The following ICA1 variants were observed in gnomAD, a reference collection of about 807,000 sequenced individuals.
ICA1 encodes the protein islet cell autoantigen 1.
A neutral mutation model predicts 71.0 loss-of-function variants in ICA1; 40 were observed. The observed-to-expected ratio is 0.56, with a 90% CI of 0.44 to 0.73. The LOEUF is 0.73. Ranked by LOEUF, ICA1 falls within the 30% of genes least tolerant of loss-of-function variation. The pLI is 0.00. For missense variants in ICA1, 578 were observed against 576.5 expected (o/e 1.00, Z -0.03); for synonymous variants, 207 against 209.5 (o/e 0.99, Z 0.10).
At position 8,145,442 on chromosome 7, in the gene ICA1, T is replaced by C. The variant is rs184404660; in HGVS notation, c.805-1470A>G. 4.8e-3 allele frequency among the ~76,000 whole-genome samples: 736 copies of C among 152,244 alleles called. 2 individuals carry two copies. Among genetic ancestry groups the C allele is most frequent in the Middle Eastern group, 0.02 (6 of 294 alleles). On this transcript the variant is annotated intron_variant, in intron 8 of 13. Transcript: ENST00000402384. Reference sequence around the variant, plus strand: ...TATTTGTTTATCCTCATTAATCCTATGAGTGTTTTCAAAGTCCAGATCAAT... The same window carrying C: ...TATTTGTTTATCCTCATTAATCCTACGAGTGTTTTCAAAGTCCAGATCAAT...
intron 8 of ICA1, among the ~76,000 whole-genome samples, chr7:8,147,226 C>T (rs1427403583): frequency 1.3e-5 from 2 of 152,088 alleles, no homozygotes; most frequent in East Asian, 3.9e-4. Flanking sequence ...CCCCTCATAA[C>T]CACACTTGAG....
chr7:8,155,741 T>A (rs1218601732), intron 8 of ICA1, among the ~76,000 whole-genome samples: 1 of 152,166 alleles, frequency 6.6e-6, no homozygotes, highest in Admixed American at 6.5e-5. Context: ...CAGGCCTGTA[T>A]AAGAATTGTG....
At chr7:8,212,005 A>G (rs932746369) in intron 6 of ICA1, among the ~76,000 whole-genome samples, 1 of 152,222 alleles carries the variant, frequency 6.6e-6, no homozygotes, top group African/African-American at 2.4e-5. Flanking sequence ...AAGTATTCAT[A>G]TATAAATAAG....
chr7:8,158,865 T>G (rs1419077756), intron 6 of ICA1, among the ~76,000 whole-genome samples: 1 of 152,248 alleles, frequency 6.6e-6, no homozygotes, highest in Non-Finnish European at 1.5e-5. Context: ...AGCACACTTG[T>G]CATCCTAATT....
intron 5 of ICA1, 84 bp downstream of exon 5, chr7:8,221,191 A>C: frequency 6.4e-7 from 1 of 1,553,884 alleles, no homozygotes; most frequent in Non-Finnish European, 8.8e-7. Context: ...TCTAAAGAAC[A>C]CTGTGAGATT....
intron 8 of ICA1, among the ~76,000 whole-genome samples, chr7:8,151,582 T>A (rs1160943963): frequency 2.0e-5 from 3 of 152,202 alleles, no homozygotes; most frequent in Admixed American, 2.0e-4. Context: ...AATTGTCTTG[T>A]TGGGACTGGT....
chr7:8,127,113 T>TGGGA (rs2128059922), intron 13 of ICA1, among the ~76,000 whole-genome samples: 1 of 152,090 alleles, frequency 6.6e-6, no homozygotes, highest in Non-Finnish European at 1.5e-5. Context: ...AACTAGGATT[T>TGGGA]GGGATTACAG....
chr7:8,220,170 C>T (rs1219246735), intron 5 of ICA1, among the ~76,000 whole-genome samples: 5 of 152,006 alleles, frequency 3.3e-5, no homozygotes, highest in Non-Finnish European at 7.4e-5. Context: ...TAAACAAATA[C>T]CTTTCTTGGG....
chr7:8,200,611 G>A (rs865871920), intron 6 of ICA1, among the ~76,000 whole-genome samples: 2 of 152,160 alleles, frequency 1.3e-5, no homozygotes, highest in Admixed American at 6.5e-5. Context: ...AGATGAGACC[G>A]ATGAGGTCTC....
At position 8,138,885 on chromosome 7, in the gene ICA1, T is replaced by C. The variant is rs377072289; in HGVS notation, c.1019-4A>G. ...TCTAATAGTTCATCTATGGGTCCTT[T>C]AGAGAAGAGGAAAGAAAACAAAATT... On this transcript the variant is annotated splice_region_variant and splice_polypyrimidine_tract_variant and intron_variant, in intron 11 of 13. Transcript: ENST00000402384. 8.7e-6 allele frequency: 14 copies of C among 1,606,412 alleles called. No homozygotes were observed. Among genetic ancestry groups the C allele is most frequent in the Non-Finnish European group, 1.0e-5 (12 of 1,173,348 alleles).
chr7:8,251,076 T>A (rs1358045597), intron 1 of ICA1, among the ~76,000 whole-genome samples: 2 of 152,052 alleles, frequency 1.3e-5, no homozygotes, highest in South Asian at 4.1e-4. Flanking sequence ...AATTTTTTTA[T>A]TTTTAGTAAA....
In ICA1 at chr7:8,152,010, T is replaced by C. The variant is rs533416111; in HGVS notation, c.804+5106A>G. ...AGTTGTAAAGCCAAATTGCATTTTT[T>C]AGAATTAGCCCTGTTGCAGAGATGG... On this transcript the variant is annotated intron_variant, in intron 8 of 13. Coordinates refer to ENST00000402384, the MANE Select transcript of ICA1 (RefSeq NM_001136020.3). 2.0e-5 allele frequency among the ~76,000 whole-genome samples: 3 copies of C among 152,324 alleles called. No homozygotes were observed. In the South Asian group the frequency reaches 6.2e-4, roughly 32 times the overall value.
intron 6 of ICA1, among the ~76,000 whole-genome samples, chr7:8,164,700 C>A (rs1158626890): frequency 6.6e-6 from 1 of 152,212 alleles, no homozygotes; most frequent in Non-Finnish European, 1.5e-5. Context: ...TTTAAGATCA[C>A]TGAATATATC....
At chr7:8,237,206 C>G (rs969602828) in intron 1 of ICA1, among the ~76,000 whole-genome samples, 4 of 152,140 alleles carry the variant, frequency 2.6e-5, no homozygotes, top group African/African-American at 9.7e-5. Context: ...GAATGACATT[C>G]AGGGTAAGTA....
intron 13 of ICA1, among the ~76,000 whole-genome samples, chr7:8,117,398 G>A (rs1785144111): frequency 6.6e-6 from 1 of 152,154 alleles, no homozygotes; most frequent in Non-Finnish European, 1.5e-5. Flanking sequence ...AGCAAACCTA[G>A]TTCCACACAG....
intron 7 of ICA1, 145 bp from the exon 8 acceptor site, chr7:8,157,359 T>A: frequency 1.3e-6 from 1 of 788,702 alleles, no homozygotes; most frequent in Non-Finnish European, 1.9e-6. Flanking sequence ...ATGCCCCCAA[T>A]TACACTCTGT....
At chr7:8,215,236 C>T (rs532941001) in intron 6 of ICA1, among the ~76,000 whole-genome samples, 1 of 152,180 alleles carries the variant, frequency 6.6e-6, no homozygotes, top group Non-Finnish European at 1.5e-5. Context: ...CCCATCTCCA[C>T]ACTCACCTCA....
intron 8 of ICA1, among the ~76,000 whole-genome samples, chr7:8,150,095 AT>A (rs1798303045): frequency 6.6e-6 from 1 of 152,256 alleles, no homozygotes; most frequent in East Asian, 1.9e-4. Flanking sequence ...GATAGGTAAT[AT>A]TCTTCTTTAA....
intron 6 of ICA1, among the ~76,000 whole-genome samples, chr7:8,182,331 C>T (rs1052386343): frequency 2.0e-5 from 3 of 152,192 alleles, no homozygotes; most frequent in African/African-American, 7.2e-5. Flanking sequence ...TTTCCTTCTA[C>T]ACTTTGAATT....
Sources: gnomAD v4.1 joint callset for allele counts (sites outside exome capture counted in the v4.1 genomes callset) on GRCh38, gnomAD v4.1.1 for gene constraint, MANE v1.5 for transcripts, NCBI Gene and HGNC (gene_info 2026-07-23, HGNC 2026-07-21) for gene names.